ZFHX3: variants seen among roughly 807,000 people sequenced by gnomAD.
ZFHX3 encodes the protein zinc finger homeobox protein 3.
Under a neutral mutation model 279.1 loss-of-function variants are expected in ZFHX3, and 42 were observed. The observed-to-expected ratio is 0.15, with a 90% confidence interval of 0.12 to 0.19. The LOEUF (loss-of-function observed/expected upper bound fraction) is 0.19, where lower values mean the gene tolerates loss of function less well. ZFHX3 is among the 10% of genes least tolerant of loss of function. The pLI is 1.00. For missense variants in ZFHX3, 4,981 were observed against 4,754.0 expected, an observed-to-expected ratio of 1.05 and a Z score of -1.40; for synonymous variants, 2,293 against 1,957.8, an observed-to-expected ratio of 1.17 and a Z score of -4.52.
At chr16:73,288,450 C>A (rs1028057811) in intron 4 of ZFHX3, among the ~76,000 whole-genome samples, 18 of 152,138 alleles carry the variant, frequency 1.2e-4, no homozygotes, top group Non-Finnish European at 2.4e-4. Context: ...ATTGCACAGA[C>A]CTGCCCCTGC....
intron 2 of ZFHX3, among the ~76,000 whole-genome samples, chr16:73,648,275 A>G (rs910635837): frequency 6.6e-6 from 1 of 152,360 alleles, no homozygotes; most frequent in South Asian, 2.1e-4. Flanking sequence ...AATGAAACAG[A>G]CTCAGAGAGA....
At chr16:73,796,272 AAGAC>A (rs1959984194) in intron 1 of ZFHX3, 1 of 152,212 alleles carries the variant, frequency 6.6e-6, no homozygotes, top group Non-Finnish European at 1.5e-5. Context: ...TGAGGTCTAA[AAGAC>A]AGATGCAAAG....
chr16:73,183,852 G>GGC (rs1967852809), intron 5 of ZFHX3, among the ~76,000 whole-genome samples: 1 of 151,786 alleles, frequency 6.6e-6, no homozygotes, highest in Non-Finnish European at 1.5e-5. Context: ...GAACCGTGGG[G>GGC]GCGCTCTGAT....
At chr16:73,487,014 T>G (rs1010307758) in intron 2 of ZFHX3, 1 of 339,146 alleles carries the variant, frequency 2.9e-6, no homozygotes, top group Non-Finnish European at 5.9e-6. Context: ...ATAAGACTTA[T>G]AAATGGACAG....
At chr16:72,925,927 G>A (rs1346072242) in intron 3 of ZFHX3, among the ~76,000 whole-genome samples, 1 of 152,138 alleles carries the variant, frequency 6.6e-6, no homozygotes, top group Non-Finnish European at 1.5e-5. Context: ...TCAGTTTCTT[G>A]AAAGGGCCCT....
intron 2 of ZFHX3, among the ~76,000 whole-genome samples, chr16:73,657,875 C>T (rs201578537): frequency 6.6e-6 from 1 of 152,168 alleles, no homozygotes; most frequent in African/African-American, 2.4e-5. Context: ...GCTGTTTCCA[C>T]CTTTTGACTG....
intron 3 of ZFHX3, among the ~76,000 whole-genome samples, chr16:73,425,691 TA>T (rs977428264): frequency 2.0e-5 from 3 of 152,030 alleles, no homozygotes; most frequent in African/African-American, 7.3e-5. Flanking sequence ...AAAGAAGCTC[TA>T]GGGGAGGAGG....
chr16:72,945,769 AC>A (rs1960637080), intron 3 of ZFHX3, among the ~76,000 whole-genome samples: 1 of 152,008 alleles, frequency 6.6e-6, no homozygotes, highest in African/African-American at 2.4e-5. Context: ...CTTCAAACAC[AC>A]AGCCAAGCTG....
intron 5 of ZFHX3, among the ~76,000 whole-genome samples, chr16:73,249,470 A>G (rs2013414065): frequency 6.6e-6 from 1 of 152,222 alleles, no homozygotes; most frequent in Non-Finnish European, 1.5e-5. Context: ...GGCAGCAGGC[A>G]AGAGAGAATG....
At chr16:73,346,732 A>G (rs2016131379) in intron 3 of ZFHX3, among the ~76,000 whole-genome samples, 1 of 152,132 alleles carries the variant, frequency 6.6e-6, no homozygotes, top group Middle Eastern at 3.2e-3. Context: ...TCGGCCTCCC[A>G]AAGTGCTGGG....
intron 1 of ZFHX3, among the ~76,000 whole-genome samples, chr16:73,019,343 C>CATGTGTGTGTGTGT (rs1555542114): frequency 6.7e-6 from 1 of 150,068 alleles, no homozygotes; most frequent in African/African-American, 2.4e-5. Context: ...TGTGTCTGTG[C>CATGTGTGTGTGTGT]GTGTGTGTGT....
At chr16:73,533,624 C>T (rs1299560626) in intron 2 of ZFHX3, among the ~76,000 whole-genome samples, 1 of 152,036 alleles carries the variant, frequency 6.6e-6, no homozygotes, top group African/African-American at 2.4e-5. Context: ...GGCTAATCAG[C>T]ATCTTCACTT....
chr16:73,546,674 CT>C (rs2020114677), intron 2 of ZFHX3, among the ~76,000 whole-genome samples: 1 of 3,598 alleles, frequency 2.8e-4, no homozygotes, highest in Non-Finnish European at 4.3e-4. Context: ...GCTGCTGTTG[CT>C]GCTGCTGCTG....
chr16:73,172,037 C>A (rs1445949993), intron 5 of ZFHX3, among the ~76,000 whole-genome samples: 1 of 152,188 alleles, frequency 6.6e-6, no homozygotes, highest in African/African-American at 2.4e-5. Flanking sequence ...GACTGCAGAC[C>A]GGGTCCTGCC....
intron 3 of ZFHX3, among the ~76,000 whole-genome samples, chr16:73,330,433 G>C (rs533023554): frequency 9.1e-4 from 138 of 152,336 alleles, no homozygotes; most frequent in African/African-American, 3.2e-3. Context: ...ATCATGCAAA[G>C]TGAAGGCAAC....
intron 5 of ZFHX3, among the ~76,000 whole-genome samples, chr16:73,216,286 AC>A (rs2012205307): frequency 6.6e-6 from 1 of 152,182 alleles, no homozygotes. Flanking sequence ...CTTGCTGCTT[AC>A]AGGTCAAGTC....
intron 8 of ZFHX3, among the ~76,000 whole-genome samples, chr16:73,078,758 C>A (rs1965912645): frequency 6.6e-6 from 1 of 152,020 alleles, no homozygotes; most frequent in African/African-American, 2.4e-5. Context: ...CATTCTCCTG[C>A]CTTAGCGTCC....
At chr16:73,349,743 C>T (rs2016199306) in intron 3 of ZFHX3, among the ~76,000 whole-genome samples, 1 of 75,310 alleles carries the variant, frequency 1.3e-5, no homozygotes, top group African/African-American at 8.7e-5. Context: ...CCCTTCCTTC[C>T]CTCCCTCCCT....
At chr16:72,988,042 T>A (rs1023411200) in intron 1 of ZFHX3, among the ~76,000 whole-genome samples, 4 of 152,210 alleles carry the variant, frequency 2.6e-5, no homozygotes, top group African/African-American at 9.7e-5. Context: ...CTTGCACATA[T>A]CTGTCCTCCC....
Sources: gnomAD v4.1 joint callset for allele counts (sites outside exome capture counted in the v4.1 genomes callset) on GRCh38, gnomAD v4.1.1 for gene constraint, MANE v1.5 for transcripts, NCBI Gene and HGNC (gene_info 2026-07-23, HGNC 2026-07-21) for gene names.